CSMD1: variants seen among roughly 807,000 people sequenced by gnomAD.
CSMD1 encodes the protein CUB and sushi domain-containing protein 1.
In CSMD1, 213 loss-of-function variants were observed where a neutral mutation model predicts 417.5. The ratio of observed to expected loss-of-function variants is 0.51; its 90% confidence interval spans 0.46 to 0.57. The LOEUF is 0.57. Among genes scored for constraint, CSMD1 ranks in the 20% least tolerant of loss-of-function variants. The pLI is 0.00. For synonymous variants in CSMD1, 2,862 were observed against 1,736.8 expected (o/e 1.65, Z -16.11); for missense variants, 6,923 against 4,529.7 (o/e 1.53, Z -15.17).
intron 7 of CSMD1, among the ~76,000 whole-genome samples, chr8:3,624,311 G>C (rs1474251731): frequency 6.6e-6 from 1 of 152,142 alleles, no homozygotes; most frequent in African/African-American, 2.4e-5. Flanking sequence ...TTTCCATGGA[G>C]AATATAATCC....
chr8:4,380,439 G>T (rs535379840), intron 3 of CSMD1, among the ~76,000 whole-genome samples: 1 of 152,280 alleles, frequency 6.6e-6, no homozygotes, highest in African/African-American at 2.4e-5. Context: ...AATTTCCACA[G>T]AATGGTTTAC....
intron 49 of CSMD1, among the ~76,000 whole-genome samples, chr8:3,067,741 C>A (rs1813036071): frequency 6.6e-6 from 1 of 151,352 alleles, no homozygotes. Flanking sequence ...TAGTTTATAT[C>A]AAATATTAAT....
At position 4,930,866 on chromosome 8, in the gene CSMD1, G is replaced by C. The variant is rs143570719; in HGVS notation, c.85+63466C>G. The stretch of plus-strand genomic sequence containing the variant: ...GATAGATCTTAATTTCTTAATAAAG[G>C]GTTCCCAGAATTACTGTATGTCTAG... On this transcript the variant is annotated intron_variant, in intron 1 of 69. Transcript: ENST00000635120. Among the ~76,000 whole-genome samples the C allele has an allele frequency of 4.3e-4, 65 of 152,186 alleles. 1 individual carries two copies. The highest frequency in any genetic ancestry group is 1.0e-3 in the African/African-American group (42 of 41,530).
chr8:4,009,590 C>G (rs938466595), intron 4 of CSMD1, among the ~76,000 whole-genome samples: 10 of 152,020 alleles, frequency 6.6e-5, no homozygotes, highest in African/African-American at 2.4e-4. Flanking sequence ...AATTCCAACT[C>G]AATTTTTACA....
intron 3 of CSMD1, among the ~76,000 whole-genome samples, chr8:4,089,328 G>C (rs60071505): frequency 0.08 from 12,210 of 152,248 alleles, 720 homozygotes; most frequent in East Asian, 0.28. Flanking sequence ...GGAAAGAAGA[G>C]AGCTCGGTAT....
chr8:4,460,961 G>T (rs1212620320), intron 2 of CSMD1, among the ~76,000 whole-genome samples: 1 of 152,034 alleles, frequency 6.6e-6, no homozygotes, highest in South Asian at 2.1e-4. Flanking sequence ...CATAGTTATA[G>T]ATAGAAACTA....
chr8:4,379,760 A>G (rs1157568623), intron 3 of CSMD1, among the ~76,000 whole-genome samples: 4 of 152,160 alleles, frequency 2.6e-5, no homozygotes, highest in Non-Finnish European at 4.4e-5. Context: ...AGAAAAATCT[A>G]TGGCCCACAC....
chr8:4,683,541 T>C (rs2248448), intron 1 of CSMD1, among the ~76,000 whole-genome samples: 90,382 of 152,082 alleles, frequency 0.59, 28,051 homozygotes, highest in African/African-American at 0.77. Flanking sequence ...GACAGTAAAT[T>C]AGCACCTAGA....
chr8:3,206,254 T>C (rs1333535974), intron 30 of CSMD1, among the ~76,000 whole-genome samples: 1 of 96,124 alleles, frequency 1.0e-5, no homozygotes, highest in Non-Finnish European at 2.1e-5. Context: ...GTGGGGGGTA[T>C]GTATGTGTGG....
At chr8:3,640,997 A>C (rs73661606) in intron 7 of CSMD1, among the ~76,000 whole-genome samples, 2,294 of 151,080 alleles carry the variant, frequency 0.015, 57 homozygotes, top group African/African-American at 0.052. Flanking sequence ...CATCATTTTA[A>C]ATCCTCTATT....
intron 11 of CSMD1, among the ~76,000 whole-genome samples, chr8:3,482,688 G>C (rs1222230159): frequency 6.6e-6 from 1 of 152,122 alleles, no homozygotes; most frequent in Admixed American, 6.5e-5. Context: ...GTTTTTCAAA[G>C]CCCTATGAAA....
At chr8:3,484,571 G>A (rs1488915161) in intron 11 of CSMD1, among the ~76,000 whole-genome samples, 1 of 152,096 alleles carries the variant, frequency 6.6e-6, no homozygotes, top group Non-Finnish European at 1.5e-5. Context: ...GGCCTTTATG[G>A]GAAAGCCCAT....
chr8:4,861,543 G>T (rs188775659), intron 1 of CSMD1, among the ~76,000 whole-genome samples: 7 of 152,200 alleles, frequency 4.6e-5, no homozygotes, highest in Middle Eastern at 3.4e-3. Context: ...TGACATAGGT[G>T]GATGTTACGA....
At chr8:4,033,653 G>C (rs150484164) in intron 3 of CSMD1, among the ~76,000 whole-genome samples, 2 of 152,250 alleles carry the variant, frequency 1.3e-5, no homozygotes, top group Non-Finnish European at 2.9e-5. Flanking sequence ...GCTGCGTCAT[G>C]GGCCACTGAT....
chr8:3,445,366 C>T (rs1020448583), intron 12 of CSMD1, among the ~76,000 whole-genome samples: 5 of 152,084 alleles, frequency 3.3e-5, no homozygotes, highest in Non-Finnish European at 5.9e-5. Flanking sequence ...ATATATGTTA[C>T]CATCTTATTT....
chr8:4,201,663 T>C (rs1799655121), intron 3 of CSMD1, among the ~76,000 whole-genome samples: 1 of 151,908 alleles, frequency 6.6e-6, no homozygotes, highest in Non-Finnish European at 1.5e-5. Flanking sequence ...AAAGTTTTCA[T>C]TTCTATAATT....
At chr8:3,348,182 G>C (rs747510881) in intron 21 of CSMD1, 21 bp from the exon 22 acceptor site, 4 of 1,591,596 alleles carry the variant, frequency 2.5e-6, no homozygotes, top group African/African-American at 1.4e-5. Flanking sequence ...TAGGACATGA[G>C]AGAAAGAGGA....
At chr8:4,186,023 C>G (rs539944422) in intron 3 of CSMD1, among the ~76,000 whole-genome samples, 1 of 152,190 alleles carries the variant, frequency 6.6e-6, no homozygotes, top group African/African-American at 2.4e-5. Context: ...CATACAAATC[C>G]CTAGGTACAT....
At chr8:4,093,717 T>G (rs892534226) in intron 3 of CSMD1, among the ~76,000 whole-genome samples, 1 of 152,036 alleles carries the variant, frequency 6.6e-6, no homozygotes, top group South Asian at 2.1e-4. Context: ...TTTCGGCACT[T>G]TGGGAGGCTG....
Sources: gnomAD v4.1 joint callset for allele counts (sites outside exome capture counted in the v4.1 genomes callset) on GRCh38, gnomAD v4.1.1 for gene constraint, MANE v1.5 for transcripts, NCBI Gene and HGNC (gene_info 2026-07-23, HGNC 2026-07-21) for gene names.